DMD: variants seen among roughly 807,000 people sequenced by gnomAD.
The protein encoded by DMD is mutant dystrophin.
DMD carries 63 observed loss-of-function variants against 330.1 expected under a neutral mutation model. The observed-to-expected ratio is 0.19, with a 90% CI of 0.16 to 0.24. The LOEUF (loss-of-function observed/expected upper bound fraction) is 0.24. Among genes scored for constraint, DMD ranks in the 10% least tolerant of loss-of-function variants. The probability of loss-of-function intolerance (pLI) is 1.00; values close to 1 mark genes in which losing one functional copy is unlikely to be tolerated. For synonymous variants in DMD, 1,223 were observed against 959.8 expected (o/e 1.27, Z -5.07); for missense variants, 3,344 against 2,684.1 (o/e 1.25, Z -5.43).
intron 42 of DMD, among the ~76,000 whole-genome samples, chrX:32,298,920 G>A (rs1450645162): frequency 1.8e-5 from 2 of 111,163 alleles, no homozygotes; most frequent in Admixed American, 9.6e-5. Context: ...AGAAAGTACA[G>A]GGAAAAAATT....
intron 41 of DMD, among the ~76,000 whole-genome samples, chrX:32,330,467 A>T (rs1193234583): frequency 8.9e-6 from 1 of 111,861 alleles, no homozygotes; most frequent in Non-Finnish European, 1.9e-5. Context: ...ATTATTTTTA[A>T]CCAGTTGTTC....
At chrX:31,700,505 A>C (rs1019938163) in intron 52 of DMD, among the ~76,000 whole-genome samples, 1 of 112,024 alleles carries the variant, frequency 8.9e-6, no homozygotes, top group African/African-American at 3.2e-5. Flanking sequence ...CCTTCTAAAG[A>C]AAGCTCATTC....
At chrX:33,039,823 A>G (rs1359753433) in intron 1 of DMD, among the ~76,000 whole-genome samples, 1 of 111,084 alleles carries the variant, frequency 9.0e-6, no homozygotes, top group African/African-American at 3.3e-5. Context: ...AAAATGCTAT[A>G]TAAGAACGTT....
intron 17 of DMD, among the ~76,000 whole-genome samples, chrX:32,527,878 A>G (rs2047066009): frequency 1.8e-5 from 2 of 111,787 alleles, no homozygotes; most frequent in Admixed American, 9.5e-5. Context: ...TGTATAGTGT[A>G]AGTGTGTCTC....
At chrX:32,412,514 G>A (rs1024510681) in intron 29 of DMD, among the ~76,000 whole-genome samples, 1 of 112,117 alleles carries the variant, frequency 8.9e-6, no homozygotes, top group Admixed American at 9.5e-5. Flanking sequence ...TTGGGTTTAT[G>A]TTACTGCTGA....
intron 2 of DMD, among the ~76,000 whole-genome samples, chrX:32,922,739 G>A (rs2146589176): frequency 8.9e-6 from 1 of 112,006 alleles, no homozygotes. Flanking sequence ...GATTGGTCTG[G>A]GGCCCAGGGT....
intron 76 of DMD, among the ~76,000 whole-genome samples, chrX:31,137,278 CAA>C (rs1326448670): frequency 8.9e-6 from 1 of 111,886 alleles, no homozygotes; most frequent in Admixed American, 9.4e-5. Context: ...CTCGGCCTCC[CAA>C]AGTGCTGGGA....
chrX:31,809,506 G>A (rs1359491335), intron 50 of DMD, among the ~76,000 whole-genome samples: 1 of 107,748 alleles, frequency 9.3e-6, no homozygotes, highest in African/African-American at 3.3e-5. Flanking sequence ...AGTTAGTGCT[G>A]CTAGCAATTT....
intron 43 of DMD, among the ~76,000 whole-genome samples, chrX:32,248,346 C>T (rs1456933118): frequency 9.0e-6 from 1 of 111,546 alleles, no homozygotes; most frequent in Admixed American, 9.6e-5. Context: ...ACTTATACAA[C>T]TGTTGTTAAA....
At chrX:32,044,474 T>C (rs1160258888) in intron 44 of DMD, among the ~76,000 whole-genome samples, 2 of 110,408 alleles carry the variant, frequency 1.8e-5, no homozygotes, top group East Asian at 2.9e-4. Flanking sequence ...CAGGTTGGAG[T>C]GCAGTGGCAC....
intron 2 of DMD, among the ~76,000 whole-genome samples, chrX:32,972,656 T>C (rs1189270957): frequency 8.9e-6 from 1 of 112,438 alleles, no homozygotes. Flanking sequence ...GTTTTGAGCA[T>C]AGGCTTTGGA....
intron 45 of DMD, among the ~76,000 whole-genome samples, chrX:31,954,305 C>CT (rs933945183): frequency 9.0e-6 from 1 of 111,236 alleles, no homozygotes. Flanking sequence ...CTCCTCCTCA[C>CT]TTTTTTTTAT....
chrX:31,645,398 AG>A (rs1250400927), intron 54 of DMD, among the ~76,000 whole-genome samples: 1 of 112,327 alleles, frequency 8.9e-6, no homozygotes, highest in African/African-American at 3.2e-5. Context: ...CAATATTCCC[AG>A]AAAAAAGTCC....
chrX:32,878,986 C>T lies in DMD; in HGVS notation c.94-29166G>A, dbSNP rs756425711. ...CAGCACCACTGCACTCTAGCCTAGGCGACAGACCAAGACTACGTCTCAAAA... is the reference window on the plus strand; with the variant it reads ...CAGCACCACTGCACTCTAGCCTAGGTGACAGACCAAGACTACGTCTCAAAA... On this transcript the variant is annotated intron_variant, in intron 2 of 78. Transcript: ENST00000357033. Among the ~76,000 whole-genome samples the T allele has an allele frequency of 6.5e-5, 6 of 92,863 alleles. No individual in the cohort carries two copies. In the East Asian group the frequency reaches 1.4e-3, roughly 22 times the overall value. 80.6% of individuals were successfully genotyped at this position (92,863 alleles called of 115,157 possible). A position where few individuals can be genotyped will look rare whatever the true frequency, so the allele number is the denominator to read the frequency against.
At chrX:32,435,534 T>C (rs775430288) in intron 29 of DMD, among the ~76,000 whole-genome samples, 1 of 109,846 alleles carries the variant, frequency 9.1e-6, no homozygotes, top group Admixed American at 9.8e-5. Context: ...CAAAATCACA[T>C]AGCCAGTGAA....
chrX:31,321,690 G>A (rs1367104291), intron 62 of DMD, among the ~76,000 whole-genome samples: 3 of 106,690 alleles, frequency 2.8e-5, no homozygotes, highest in Non-Finnish European at 5.8e-5. Flanking sequence ...TCTAAGACTA[G>A]ACTGGAGGAC....
chrX:32,352,216 G>A (rs890320620), intron 37 of DMD, among the ~76,000 whole-genome samples: 1 of 110,284 alleles, frequency 9.1e-6, no homozygotes, highest in African/African-American at 3.3e-5. Context: ...CACATTTTAG[G>A]AACAAAATCC....
chrX:32,072,116 G>C (rs1429277304), intron 44 of DMD, among the ~76,000 whole-genome samples: 2 of 111,578 alleles, frequency 1.8e-5, no homozygotes, highest in Non-Finnish European at 3.8e-5. Flanking sequence ...ATTAAATATA[G>C]TTTATGAACA....
intron 66 of DMD, 37 bp downstream of exon 66, chrX:31,206,545 T>C (rs773615839): frequency 8.1e-6 from 9 of 1,110,569 alleles, no homozygotes; most frequent in Non-Finnish European, 3.7e-6. Flanking sequence ...TTAGCCAACA[T>C]TAATAAAAGA....
Sources: gnomAD v4.1 joint callset for allele counts (sites outside exome capture counted in the v4.1 genomes callset) on GRCh38, gnomAD v4.1.1 for gene constraint, MANE v1.5 for transcripts, NCBI Gene and HGNC (gene_info 2026-07-23, HGNC 2026-07-21) for gene names.